The following MYOF variants were observed in gnomAD, a reference collection of about 807,000 sequenced individuals.
MYOF encodes the protein myoferlin, also known as fer-1-like 3, myoferlin.
A neutral mutation model predicts 284.2 loss-of-function variants in MYOF; 244 were observed. That is an observed-to-expected ratio of 0.86 (90% CI 0.77 to 0.95). The LOEUF is 0.95. MYOF is among the 40% of genes least tolerant of loss of function. The pLI is 0.00. For synonymous variants in MYOF, 904 were observed against 919.7 expected (o/e 0.98, Z 0.31); for missense variants, 2,496 against 2,560.6 (o/e 0.97, Z 0.54).
chr10:93,471,281 G>A, intron 1 of MYOF, among the ~76,000 whole-genome samples: 1 of 151,234 alleles, frequency 6.6e-6, no homozygotes, highest in African/African-American at 2.4e-5. Context: ...TTGCTCTGTT[G>A]CAAACTCACC....
chr10:93,419,907 G>C (rs147106825), intron 5 of MYOF, among the ~76,000 whole-genome samples: 2 of 152,132 alleles, frequency 1.3e-5, no homozygotes, highest in African/African-American at 4.8e-5. Context: ...CGAGGCTGGC[G>C]GATCACCTGA....
At chr10:93,328,118 A>G (rs982592078) in intron 45 of MYOF, among the ~76,000 whole-genome samples, 1 of 152,160 alleles carries the variant, frequency 6.6e-6, no homozygotes, top group African/African-American at 2.4e-5. Context: ...AGGAGCAGAA[A>G]GCACTTTTCT....
At chr10:93,467,651 G>T (rs2057042517) in intron 1 of MYOF, among the ~76,000 whole-genome samples, 1 of 152,072 alleles carries the variant, frequency 6.6e-6, no homozygotes, top group African/African-American at 2.4e-5. Context: ...TATAAATCAT[G>T]CTGCTATAAA....
intron 3 of MYOF, among the ~76,000 whole-genome samples, chr10:93,432,574 G>A (rs1310688946): frequency 6.6e-6 from 1 of 152,028 alleles, no homozygotes; most frequent in African/African-American, 2.4e-5. Context: ...GACCTTCTAG[G>A]GTTGTAAATA....
At chr10:93,364,631 T>G (rs1361453184) in intron 26 of MYOF, among the ~76,000 whole-genome samples, 1 of 152,144 alleles carries the variant, frequency 6.6e-6, no homozygotes, top group Non-Finnish European at 1.5e-5. Flanking sequence ...GACTCCAAAC[T>G]CCATTTGGGC....
intron 39 of MYOF, 51 bp from the exon 40 acceptor site, chr10:93,337,964 A>C: frequency 7.6e-7 from 1 of 1,323,262 alleles, no homozygotes. Context: ...TGGATTTCCA[A>C]TCGATGCAGG....
intron 1 of MYOF, among the ~76,000 whole-genome samples, chr10:93,475,591 T>G (rs938533542): frequency 3.3e-5 from 5 of 152,224 alleles, no homozygotes; most frequent in Non-Finnish European, 5.9e-5. Context: ...TTTGTCACAT[T>G]AAGGTGTCTG....
At position 93,401,116 on chromosome 10, in the gene MYOF, G is replaced by A. The variant is rs1214147776; in HGVS notation, c.1117+302C>T. Among the ~76,000 whole-genome samples, 2 of 152,082 alleles carry A rather than the reference G, an allele frequency of 1.3e-5. 1 individual carries two copies. On this transcript the variant is annotated intron_variant, in intron 12 of 53. Coordinates refer to ENST00000359263, the MANE Select transcript of MYOF (RefSeq NM_013451.4). ...TGGGATAAAAGGGGTTGGAAGTGCT[G>A]ACTGCTCATATCTCTTTAGCATCCT...
Position 93,313,154 on chromosome 10 carries a change from A to T in MYOF, c.5755T>A (p.Cys1919Ser). 1.2e-6 allele frequency: 2 copies of T among 1,614,020 alleles called. No homozygotes were observed. Among genetic ancestry groups the T allele is most frequent in the Middle Eastern group, 1.6e-4 (1 of 6,062 alleles). ...AGGTCCGGAATCATGTCCAATCTGC[A>T]TTTCTCTGGTGATTTTGCAGGAATG... ...TIIPAKSPEK[C>S]RLDMIPDLKA... The change falls in exon 51 of 54, where the codon TGC (cysteine) becomes AGC (serine). Residue 1919 changes from cysteine to serine, a missense_variant. Around this residue, in one of 3 missense-constraint regions of MYOF, gnomAD observed 2,436 missense variants for 2,480.7 expected, o/e 0.98. Coordinates refer to ENST00000359263, the MANE Select transcript of MYOF (RefSeq NM_013451.4).
intron 21 of MYOF, among the ~76,000 whole-genome samples, chr10:93,378,695 AT>A (rs1437391410): frequency 4.3e-4 from 26 of 60,224 alleles, no homozygotes; most frequent in African/African-American, 2.5e-3. Context: ...GTGTGTGTGT[AT>A]ATATATATAT....
intron 5 of MYOF, among the ~76,000 whole-genome samples, chr10:93,411,442 T>A (rs1847896481): frequency 6.6e-6 from 1 of 152,230 alleles, no homozygotes; most frequent in Admixed American, 6.5e-5. Flanking sequence ...ATCACCTCCC[T>A]AAAGGCCTCA....
chr10:93,477,662 C>A (rs931581076), intron 1 of MYOF, among the ~76,000 whole-genome samples: 1 of 151,968 alleles, frequency 6.6e-6, no homozygotes, highest in Non-Finnish European at 1.5e-5. Context: ...GCCTGACCAA[C>A]ATGGTGAAAC....
chr10:93,463,644 C>G (rs186548004), intron 1 of MYOF, among the ~76,000 whole-genome samples: 1 of 151,940 alleles, frequency 6.6e-6, no homozygotes, highest in East Asian at 1.9e-4. Flanking sequence ...AAATGATCCA[C>G]CCGTCTCGGC....
intron 1 of MYOF, among the ~76,000 whole-genome samples, chr10:93,467,024 A>G (rs2057025278): frequency 6.6e-6 from 1 of 152,074 alleles, no homozygotes; most frequent in African/African-American, 2.4e-5. Flanking sequence ...AATAGGAGAT[A>G]TGAGTATGCT....
At chr10:93,392,848 C>G in intron 17 of MYOF, 69 bp downstream of exon 17, 2 of 1,405,796 alleles carry the variant, frequency 1.4e-6, no homozygotes, top group Non-Finnish European at 2.0e-6. Flanking sequence ...TAAAGACAGT[C>G]GATACATTCT....
At chr10:93,392,308 A>T (rs111736585) in intron 17 of MYOF, among the ~76,000 whole-genome samples, 2,936 of 152,288 alleles carry the variant, frequency 0.019, 100 homozygotes, top group African/African-American at 0.066. Flanking sequence ...AATCATGCTT[A>T]TCTGACAGAT....
At chr10:93,312,580 G>A (rs112749011) in intron 51 of MYOF, among the ~76,000 whole-genome samples, 6,608 of 151,598 alleles carry the variant, frequency 0.044, 222 homozygotes, top group Non-Finnish European at 0.066. Context: ...GGCTGGTCTC[G>A]AACTCCTGAC....
chr10:93,404,242 G>A (rs2134099785), intron 7 of MYOF, 23 bp from the exon 8 acceptor site: 1 of 1,612,360 alleles, frequency 6.2e-7, no homozygotes, highest in East Asian at 2.2e-5. Context: ...TAGAGCAGAT[G>A]TTTAAATGTT....
intron 5 of MYOF, among the ~76,000 whole-genome samples, chr10:93,425,021 C>T (rs750688963): frequency 7.3e-6 from 1 of 137,738 alleles, no homozygotes; most frequent in Non-Finnish European, 1.5e-5. Flanking sequence ...TCACTGAAAC[C>T]TCCTCCTCAT....
Sources: allele counts gnomAD v4.1 joint callset (sites outside exome capture counted in the v4.1 genomes callset), GRCh38; gene constraint gnomAD v4.1.1; regional missense constraint gnomAD v4.1.1; transcripts MANE v1.5; gene names NCBI Gene and HGNC (gene_info 2026-07-23, HGNC 2026-07-21).